FMN2: variants seen among roughly 807,000 people sequenced by gnomAD.
FMN2 encodes the protein formin-2.
FMN2 carries 51 observed loss-of-function variants against 142.3 expected under a neutral mutation model. The observed-to-expected ratio is 0.36, with a 90% confidence interval of 0.29 to 0.45. FMN2 has a LOEUF of 0.45. Among genes scored for constraint, FMN2 ranks in the 20% least tolerant of loss-of-function variants. FMN2 has a pLI of 1.00. For synonymous variants in FMN2, 882 were observed against 869.8 expected, an observed-to-expected ratio of 1.01 and a Z score of -0.25; for missense variants, 1,936 against 2,122.8, an observed-to-expected ratio of 0.91 and a Z score of 1.73.
At chr1:240,200,960 T>A (rs910426020) in intron 4 of FMN2, among the ~76,000 whole-genome samples, 1 of 152,196 alleles carries the variant, frequency 6.6e-6, no homozygotes, top group African/African-American at 2.4e-5. Context: ...TATTAAAGAT[T>A]CAGATTTGGA....
chr1:240,314,934 C>G (rs1338467181), intron 8 of FMN2, among the ~76,000 whole-genome samples: 2 of 152,144 alleles, frequency 1.3e-5, no homozygotes, highest in South Asian at 2.1e-4. Flanking sequence ...GTGTTTCCTG[C>G]GCATTCACTC....
intron 3 of FMN2, among the ~76,000 whole-genome samples, chr1:240,183,992 G>C (rs1445905704): frequency 6.6e-6 from 1 of 152,002 alleles, no homozygotes; most frequent in Non-Finnish European, 1.5e-5. Context: ...GGCATATTTT[G>C]TATGTATATT....
intron 8 of FMN2, among the ~76,000 whole-genome samples, chr1:240,320,998 A>G (rs1045833955): frequency 1.3e-5 from 2 of 152,176 alleles, no homozygotes; most frequent in Non-Finnish European, 2.9e-5. Flanking sequence ...GAGCAATAAA[A>G]ATGATCTATT....
intron 8 of FMN2, among the ~76,000 whole-genome samples, chr1:240,317,754 G>A (rs1452505770): frequency 6.6e-6 from 1 of 152,010 alleles, no homozygotes; most frequent in Non-Finnish European, 1.5e-5. Context: ...CTTTTTTTGT[G>A]TGATAAATGC....
At chr1:240,300,942 G>C (rs1393856358) in intron 8 of FMN2, among the ~76,000 whole-genome samples, 1 of 147,210 alleles carries the variant, frequency 6.8e-6, no homozygotes, top group Admixed American at 6.8e-5. Flanking sequence ...CAACTTCCCT[G>C]TGTCTCTGTG....
chr1:240,135,743 G>A (rs1458939051), intron 2 of FMN2, among the ~76,000 whole-genome samples: 1 of 149,954 alleles, frequency 6.7e-6, no homozygotes, highest in Non-Finnish European at 1.5e-5. Context: ...GCAGTGGTGC[G>A]ATCTCGGCTC....
chr1:240,176,511 C>A (rs571926714), intron 2 of FMN2, among the ~76,000 whole-genome samples: 24 of 152,316 alleles, frequency 1.6e-4, no homozygotes, highest in African/African-American at 5.8e-4. Context: ...GTAGCACTCT[C>A]CGGCTGTCAC....
intron 2 of FMN2, among the ~76,000 whole-genome samples, chr1:240,146,265 G>A (rs564225936): frequency 7.2e-4 from 109 of 151,024 alleles, no homozygotes; most frequent in Non-Finnish European, 1.2e-3. Flanking sequence ...TTGGTGGTAT[G>A]TGCCTATAGT....
At chr1:240,150,805 T>C (rs1663732975) in intron 2 of FMN2, among the ~76,000 whole-genome samples, 1 of 152,212 alleles carries the variant, frequency 6.6e-6, no homozygotes, top group Admixed American at 6.5e-5. Context: ...CATTGAGATC[T>C]AGGTATGATA....
chr1:240,314,803 T>C (rs993314156), intron 8 of FMN2, among the ~76,000 whole-genome samples: 11 of 152,236 alleles, frequency 7.2e-5, no homozygotes, highest in African/African-American at 2.4e-4. Flanking sequence ...TTGAATTGTT[T>C]GTAAGTTCCC....
At chr1:240,231,908 C>T (rs1469104436) in intron 6 of FMN2, among the ~76,000 whole-genome samples, 1 of 152,192 alleles carries the variant, frequency 6.6e-6, no homozygotes, top group East Asian at 1.9e-4. Flanking sequence ...TTTGTAGGCA[C>T]TTCTTGAATT....
intron 2 of FMN2, among the ~76,000 whole-genome samples, chr1:240,149,656 A>G (rs920221352): frequency 1.3e-5 from 2 of 152,186 alleles, no homozygotes; most frequent in African/African-American, 4.8e-5. Context: ...CAGGGATTCT[A>G]GTGTCAAATT....
At chr1:240,321,303 A>G (rs1670964300) in intron 8 of FMN2, among the ~76,000 whole-genome samples, 1 of 152,218 alleles carries the variant, frequency 6.6e-6, no homozygotes, top group African/African-American at 2.4e-5. Context: ...TACCAAGGAT[A>G]AAGTCTAAGC....
chr1:240,326,227 G>T (rs1204509647), intron 8 of FMN2, among the ~76,000 whole-genome samples: 3 of 152,134 alleles, frequency 2.0e-5, no homozygotes, highest in Non-Finnish European at 4.4e-5. Context: ...CATAGTTGTG[G>T]ATAACAAGAA....
chr1:240,423,935 A>G (rs1674853304), intron 15 of FMN2, among the ~76,000 whole-genome samples: 1 of 152,228 alleles, frequency 6.6e-6, no homozygotes, highest in African/African-American at 2.4e-5. Context: ...GTTCCTGTCT[A>G]CACAAAGCTT....
At chr1:240,175,517 A>T (rs1179087447) in intron 2 of FMN2, among the ~76,000 whole-genome samples, 1 of 151,940 alleles carries the variant, frequency 6.6e-6, no homozygotes, top group Non-Finnish European at 1.5e-5. Context: ...GTTGTTTTGG[A>T]TAGGGCCTTG....
intron 1 of FMN2, among the ~76,000 whole-genome samples, chr1:240,093,925 C>G (rs989982420): frequency 6.6e-6 from 1 of 152,218 alleles, no homozygotes; most frequent in African/African-American, 2.4e-5. Context: ...TTTCTGTGTT[C>G]TTACAAGATC....
At chr1:240,160,005 A>G (rs1664216437) in intron 2 of FMN2, among the ~76,000 whole-genome samples, 1 of 146,876 alleles carries the variant, frequency 6.8e-6, no homozygotes. Context: ...ACACATACAC[A>G]CATATTCTTT....
chr1:240,276,215 A>G (rs1170397896), intron 7 of FMN2, among the ~76,000 whole-genome samples: 1 of 152,162 alleles, frequency 6.6e-6, no homozygotes, highest in Non-Finnish European at 1.5e-5. Flanking sequence ...GGTGGTTTGC[A>G]TTTCTCTCTG....
Sources: gnomAD v4.1 joint callset for allele counts (sites outside exome capture counted in the v4.1 genomes callset) on GRCh38, gnomAD v4.1.1 for gene constraint, MANE v1.5 for transcripts, NCBI Gene and HGNC (gene_info 2026-07-23, HGNC 2026-07-21) for gene names.